Variants in KCNH7 observed in about 807,000 individuals in gnomAD.
KCNH7 encodes the protein voltage-gated inwardly rectifying potassium channel KCNH7.
KCNH7 carries 49 observed loss-of-function variants against 120.8 expected under a neutral mutation model. The observed-to-expected ratio is 0.41, with a 90% CI of 0.32 to 0.51. KCNH7 has a LOEUF of 0.51. Ranked by LOEUF, KCNH7 falls within the 20% of genes least tolerant of loss-of-function variation. The pLI, the probability that KCNH7 is intolerant of heterozygous loss-of-function variation, is 0.38. For missense variants in KCNH7, 1,097 were observed against 1,446.6 expected (o/e 0.76, Z 3.92); for synonymous variants, 547 against 516.1 (o/e 1.06, Z -0.81).
At chr2:162,633,430 T>C (rs1286876191) in intron 2 of KCNH7, among the ~76,000 whole-genome samples, 1 of 152,030 alleles carries the variant, frequency 6.6e-6, no homozygotes, top group Non-Finnish European at 1.5e-5. Flanking sequence ...TATAATTTAA[T>C]TTTGTTCATA....
chr2:162,765,452 T>C (rs1378152402), intron 2 of KCNH7, among the ~76,000 whole-genome samples: 1 of 152,204 alleles, frequency 6.6e-6, no homozygotes, highest in Admixed American at 6.5e-5. Flanking sequence ...ATTCTTTCAA[T>C]TCTGTGGGGC....
At position 162,806,840 on chromosome 2, in the gene KCNH7, A is replaced by T. The variant is rs900543113; in HGVS notation, c.307+29697T>A. Reference sequence around the variant, plus strand: ...TTGTTTTTTTATTAGGTCAAATGGAATTTTTTTTTAAAAAAAGATAATTTG... The same window carrying T: ...TTGTTTTTTTATTAGGTCAAATGGATTTTTTTTTTAAAAAAAGATAATTTG... On this transcript the variant is annotated intron_variant, in intron 2 of 15. Transcript: ENST00000332142. 5.9e-5 allele frequency among the ~76,000 whole-genome samples: 9 copies of T among 151,630 alleles called. 1 individual carries two copies. The South Asian group carries it at 1.0e-3, about 18-fold the overall frequency.
chr2:162,472,625 T>C (rs1689583061), intron 6 of KCNH7, among the ~76,000 whole-genome samples: 1 of 152,170 alleles, frequency 6.6e-6, no homozygotes, highest in Non-Finnish European at 1.5e-5. Context: ...ATAGGAACAC[T>C]TTTACACTGT....
chr2:162,437,092 G>A (rs957706169), intron 7 of KCNH7, among the ~76,000 whole-genome samples: 1 of 152,192 alleles, frequency 6.6e-6, no homozygotes, highest in Non-Finnish European at 1.5e-5. Context: ...CTGCACTCAA[G>A]CCTGGGCAAC....
intron 2 of KCNH7, among the ~76,000 whole-genome samples, chr2:162,820,480 T>C (rs935316266): frequency 1.3e-5 from 2 of 151,858 alleles, no homozygotes; most frequent in African/African-American, 4.9e-5. Context: ...TATACCTCCA[T>C]TGACTTTGCC....
chr2:162,689,938 T>C (rs375741102), intron 2 of KCNH7, among the ~76,000 whole-genome samples: 1 of 152,288 alleles, frequency 6.6e-6, no homozygotes, highest in Non-Finnish European at 1.5e-5. Context: ...ATGATGTTCA[T>C]TGCAGCACTA....
chr2:162,798,797 A>G (rs1434729345), intron 2 of KCNH7, among the ~76,000 whole-genome samples: 1 of 151,348 alleles, frequency 6.6e-6, no homozygotes, highest in Non-Finnish European at 1.5e-5. Context: ...TTTTACACTA[A>G]TTTTTTTCCT....
At chr2:162,400,123 T>G (rs1379014868) in intron 10 of KCNH7, 66 bp downstream of exon 10, 1 of 1,526,694 alleles carries the variant, frequency 6.6e-7, no homozygotes, top group African/African-American at 1.4e-5. Context: ...TTTTTCCTAA[T>G]CATTTTAAAC....
intron 2 of KCNH7, among the ~76,000 whole-genome samples, chr2:162,775,673 C>T (rs1683209064): frequency 6.6e-6 from 1 of 152,168 alleles, no homozygotes; most frequent in Non-Finnish European, 1.5e-5. Flanking sequence ...GCATTGTGTA[C>T]CAGAAAACTC....
intron 2 of KCNH7, among the ~76,000 whole-genome samples, chr2:162,540,178 A>G (rs143111922): frequency 1.3e-5 from 2 of 151,736 alleles, no homozygotes; most frequent in Non-Finnish European, 2.9e-5. Context: ...TGAATCTTGT[A>G]TTCAAATGAA....
At chr2:162,626,061 G>A (rs1236592332) in intron 2 of KCNH7, among the ~76,000 whole-genome samples, 2 of 152,138 alleles carry the variant, frequency 1.3e-5, no homozygotes, top group Non-Finnish European at 2.9e-5. Context: ...AGATCGTGGA[G>A]TACTGTAGAT....
chr2:162,790,511 G>C (rs557950201), intron 2 of KCNH7, among the ~76,000 whole-genome samples: 2 of 151,940 alleles, frequency 1.3e-5, no homozygotes, highest in East Asian at 3.9e-4. Flanking sequence ...TGATACCAAA[G>C]CCAGGCAAGG....
chr2:162,420,393 CA>C (rs1384795255), intron 9 of KCNH7, among the ~76,000 whole-genome samples: 3 of 151,866 alleles, frequency 2.0e-5, no homozygotes, highest in Non-Finnish European at 4.4e-5. Context: ...AAAACAAAAA[CA>C]AAAACAATAC....
At chr2:162,440,784 A>T (rs937072210) in intron 7 of KCNH7, among the ~76,000 whole-genome samples, 14 of 152,088 alleles carry the variant, frequency 9.2e-5, no homozygotes, top group African/African-American at 3.4e-4. Context: ...TTTATAATTA[A>T]CATTTTATTT....
chr2:162,479,669 GTGCA>G (rs1178516092), intron 6 of KCNH7, among the ~76,000 whole-genome samples: 2 of 118,836 alleles, frequency 1.7e-5, no homozygotes, highest in East Asian at 2.5e-4. Context: ...GTGTGTGTGT[GTGCA>G]TGTGTGTGTG....
At chr2:162,639,732 G>T (rs1323706814) in intron 2 of KCNH7, among the ~76,000 whole-genome samples, 1 of 151,964 alleles carries the variant, frequency 6.6e-6, no homozygotes, top group African/African-American at 2.4e-5. Context: ...GTGTAATAAG[G>T]CAAGAAAAGG....
rs889003366 is a variant in KCNH7 at position 162,755,120 on chromosome 2, C to A, written c.307+81417G>T. ...TTTTCCAAAAGAATTTATTTTATTTCTTTAGAACAGAGGATCTTTTCTATA... is the reference window on the plus strand; with the variant it reads ...TTTTCCAAAAGAATTTATTTTATTTATTTAGAACAGAGGATCTTTTCTATA... On this transcript the variant is annotated intron_variant, in intron 2 of 15. Coordinates refer to ENST00000332142, the MANE Select transcript of KCNH7 (RefSeq NM_033272.4). Among the ~76,000 whole-genome samples the A allele has an allele frequency of 4.6e-5, 7 of 152,018 alleles. 1 individual carries two copies. The highest frequency in any genetic ancestry group is 1.3e-4 in the Admixed American group (2 of 15,240).
At chr2:162,554,448 C>T (rs1326559137) in intron 2 of KCNH7, among the ~76,000 whole-genome samples, 1 of 151,838 alleles carries the variant, frequency 6.6e-6, no homozygotes, top group Non-Finnish European at 1.5e-5. Context: ...AGTTTAAAGC[C>T]TGGCGTGTTT....
chr2:162,803,415 A>G (rs200418214), intron 2 of KCNH7, among the ~76,000 whole-genome samples: 4 of 151,756 alleles, frequency 2.6e-5, no homozygotes, highest in East Asian at 1.9e-4. Flanking sequence ...TTAATGTATT[A>G]TAACATTGGA....
Sources: gnomAD v4.1 joint callset for allele counts (sites outside exome capture counted in the v4.1 genomes callset) on GRCh38, gnomAD v4.1.1 for gene constraint, MANE v1.5 for transcripts, NCBI Gene and HGNC (gene_info 2026-07-23, HGNC 2026-07-21) for gene names.